MID1: variants seen among roughly 807,000 people sequenced by gnomAD.
The protein encoded by MID1 is E3 ubiquitin-protein ligase Midline-1.
Under a neutral mutation model 40.4 loss-of-function variants are expected in MID1, and 7 were observed. The ratio of observed to expected loss-of-function variants is 0.17; its 90% CI spans 0.10 to 0.33. The LOEUF (loss-of-function observed/expected upper bound fraction) is 0.33. Ranked by LOEUF, MID1 falls within the 10% of genes least tolerant of loss-of-function variation. The probability of loss-of-function intolerance (pLI) is 1.00; values close to 1 mark genes in which losing one functional copy is unlikely to be tolerated. For missense variants in MID1, 367 were observed against 558.5 expected (o/e 0.66, Z 3.46); for synonymous variants, 229 against 221.2 (o/e 1.04, Z -0.31).
chrX:10,711,931 G>C (rs1427154090), intron 1 of MID1, among the ~76,000 whole-genome samples: 1 of 111,912 alleles, frequency 8.9e-6, no homozygotes, highest in Non-Finnish European at 1.9e-5. Context: ...GGCATCCACT[G>C]GGTAGAGGAC....
intron 4 of MID1, among the ~76,000 whole-genome samples, chrX:10,494,206 A>G (rs986918036): frequency 8.9e-6 from 1 of 112,244 alleles, no homozygotes; most frequent in Non-Finnish European, 1.9e-5. Flanking sequence ...GATCATTTTA[A>G]TAATTTATGT....
At chrX:10,827,282 G>C (rs1200470510) in intron 1 of MID1, among the ~76,000 whole-genome samples, 1 of 111,175 alleles carries the variant, frequency 9.0e-6, no homozygotes, top group Non-Finnish European at 1.9e-5. Flanking sequence ...AATTGTCAAT[G>C]CCTGCCCATG....
intron 1 of MID1, among the ~76,000 whole-genome samples, chrX:10,572,132 T>A (rs112506897): frequency 0.012 from 1,261 of 105,562 alleles, 22 homozygotes; most frequent in African/African-American, 0.043. Context: ...TCTCTCTTTC[T>A]CTCTCCCTTT....
chrX:10,552,027 C>T (rs747518385), intron 2 of MID1, among the ~76,000 whole-genome samples: 1 of 110,542 alleles, frequency 9.0e-6, no homozygotes, highest in Admixed American at 9.7e-5. Flanking sequence ...TGGGCTCAAG[C>T]GATTCTCCTG....
intron 1 of MID1, among the ~76,000 whole-genome samples, chrX:10,701,238 T>G (rs752491128): frequency 1.8e-5 from 2 of 112,039 alleles, no homozygotes; most frequent in East Asian, 5.6e-4. Context: ...AGAACAGATT[T>G]AGGATTTTAC....
intron 1 of MID1, among the ~76,000 whole-genome samples, chrX:10,776,117 CAT>C (rs1303281932): frequency 3.6e-5 from 4 of 112,219 alleles, no homozygotes; most frequent in African/African-American, 9.7e-5. Flanking sequence ...AAAGCAAAAT[CAT>C]AACCATAAAT....
chrX:10,758,721 C>T lies in MID1; in HGVS notation c.-187+74833G>A, dbSNP rs774574455. 1.9e-4 allele frequency among the ~76,000 whole-genome samples: 21 copies of T among 109,567 alleles called. No individual in the cohort carries two copies. The East Asian group carries it at 5.2e-3, about 27-fold the overall frequency. ...AGAGAGATGGTCTCGATCTCCTGACCTCATGATCCGCCCACCTCAGCCTCC... is the reference window on the plus strand; with the variant it reads ...AGAGAGATGGTCTCGATCTCCTGACTTCATGATCCGCCCACCTCAGCCTCC... On this transcript the variant is annotated intron_variant, in intron 1 of 10. Coordinates refer to the MID1 transcript ENST00000380785.
intron 9 of MID1, among the ~76,000 whole-genome samples, chrX:10,452,213 A>G (rs1253124783): frequency 8.9e-6 from 1 of 112,097 alleles, no homozygotes; most frequent in Non-Finnish European, 1.9e-5. Context: ...AGCAAAATCC[A>G]GAGTTGTATG....
chrX:10,593,238 G>T (rs753971286), intron 1 of MID1, among the ~76,000 whole-genome samples: 1 of 112,317 alleles, frequency 8.9e-6, no homozygotes, highest in Non-Finnish European at 1.9e-5. Flanking sequence ...AGTAAAAAAT[G>T]AATGATAATT....
At chrX:10,742,504 A>G (rs1370290402) in intron 1 of MID1, among the ~76,000 whole-genome samples, 1 of 112,407 alleles carries the variant, frequency 8.9e-6, no homozygotes, top group Non-Finnish European at 1.9e-5. Flanking sequence ...AAGAAAGACA[A>G]TTCTCTGCAA....
At chrX:10,832,857 T>A (rs2044261387) in intron 1 of MID1, among the ~76,000 whole-genome samples, 1 of 112,240 alleles carries the variant, frequency 8.9e-6, no homozygotes, top group Non-Finnish European at 1.9e-5. Context: ...AGATTGAGAT[T>A]TTTGTACACA....
chrX:10,786,246 T>C (rs2043882274), intron 1 of MID1, among the ~76,000 whole-genome samples: 1 of 111,018 alleles, frequency 9.0e-6, no homozygotes, highest in Non-Finnish European at 1.9e-5. Flanking sequence ...ATCAGAGAAA[T>C]GCAAATCAAA....
intron 1 of MID1, among the ~76,000 whole-genome samples, chrX:10,634,792 C>T (rs997059705): frequency 8.9e-6 from 1 of 112,024 alleles, no homozygotes; most frequent in Non-Finnish European, 1.9e-5. Context: ...ATGCTTCACT[C>T]GCCTGGAATT....
chrX:10,642,985 C>T (rs752696101), intron 1 of MID1, among the ~76,000 whole-genome samples: 1 of 111,603 alleles, frequency 9.0e-6, no homozygotes, highest in South Asian at 3.8e-4. Flanking sequence ...AACTGGATAC[C>T]TTCCTTACAT....
At chrX:10,736,838 T>C (rs779851745) in intron 1 of MID1, among the ~76,000 whole-genome samples, 5 of 112,271 alleles carry the variant, frequency 4.5e-5, no homozygotes, top group Admixed American at 9.4e-5. Context: ...ATGCTCAAAT[T>C]CCTCATTTTT....
At chrX:10,558,429 G>A (rs752669765) in intron 2 of MID1, among the ~76,000 whole-genome samples, 2 of 112,677 alleles carry the variant, frequency 1.8e-5, no homozygotes, top group East Asian at 2.8e-4. Flanking sequence ...CAAAACACTC[G>A]TCTAATGCAT....
At chrX:10,663,672 C>T (rs1286718494) in intron 1 of MID1, among the ~76,000 whole-genome samples, 1 of 110,650 alleles carries the variant, frequency 9.0e-6, no homozygotes, top group Non-Finnish European at 1.9e-5. Flanking sequence ...CAAAGCTGGA[C>T]CTCTTTGGAA....
intron 1 of MID1, among the ~76,000 whole-genome samples, chrX:10,573,167 T>C (rs1456162861): frequency 8.9e-6 from 1 of 112,766 alleles, no homozygotes; most frequent in African/African-American, 3.2e-5. Flanking sequence ...AATAAGTAGA[T>C]GTTTTGCTGG....
intron 1 of MID1, among the ~76,000 whole-genome samples, chrX:10,649,306 C>G (rs1374502223): frequency 2.7e-5 from 3 of 111,801 alleles, no homozygotes; most frequent in Non-Finnish European, 5.6e-5. Flanking sequence ...ACATCTTTTT[C>G]CCCTTTTTCA....
Sources: gnomAD v4.1 joint callset for allele counts (sites outside exome capture counted in the v4.1 genomes callset) on GRCh38, gnomAD v4.1.1 for gene constraint, MANE v1.5 for transcripts, NCBI Gene and HGNC (gene_info 2026-07-23, HGNC 2026-07-21) for gene names.